Variants in SEL1L2 observed in about 807,000 individuals in gnomAD.
The protein encoded by SEL1L2 is SEL1L2 adaptor subunit of SYVN1 ubiquitin ligase, also known as protein sel-1 homolog 2.
SEL1L2 carries 89 observed loss-of-function variants against 98.8 expected under a neutral mutation model. The ratio of observed to expected loss-of-function variants is 0.90; its 90% CI spans 0.76 to 1.07. The LOEUF is 1.07. Ranked by LOEUF, SEL1L2 falls within the 50% of genes least tolerant of loss-of-function variation. The probability of loss-of-function intolerance (pLI) is 0.00; values close to 1 mark genes in which losing one functional copy is unlikely to be tolerated. For synonymous variants in SEL1L2, 262 were observed against 278.5 expected (o/e 0.94, Z 0.59); for missense variants, 788 against 812.0 (o/e 0.97, Z 0.36).
intron 5 of SEL1L2, among the ~76,000 whole-genome samples, chr20:13,896,315 C>G (rs1172740435): frequency 2.0e-5 from 3 of 151,932 alleles, no homozygotes; most frequent in Admixed American, 6.6e-5. Context: ...ATTAAAAATA[C>G]AAAAATTAGC....
intron 10 of SEL1L2, among the ~76,000 whole-genome samples, chr20:13,883,329 A>C (rs2046801935): frequency 6.6e-6 from 1 of 152,196 alleles, no homozygotes; most frequent in Non-Finnish European, 1.5e-5. Context: ...GGAAACTGAG[A>C]GATCATGTCA....
At chr20:13,860,060 A>T (rs1311653268) in intron 17 of SEL1L2, among the ~76,000 whole-genome samples, 1 of 152,160 alleles carries the variant, frequency 6.6e-6, no homozygotes, top group African/African-American at 2.4e-5. Context: ...TTTTAAGTAG[A>T]TTAACTCTTG....
chr20:13,969,524 C>A (rs2051191240), intron 1 of SEL1L2, among the ~76,000 whole-genome samples: 1 of 152,164 alleles, frequency 6.6e-6, no homozygotes, highest in Admixed American at 6.5e-5. Flanking sequence ...AGTAAAGTTT[C>A]TTTTAATTTC....
intron 2 of SEL1L2, among the ~76,000 whole-genome samples, chr20:13,937,088 TA>T (rs1170787533): frequency 1.3e-5 from 2 of 152,352 alleles, no homozygotes; most frequent in African/African-American, 4.8e-5. Context: ...TGTTTTTACT[TA>T]AATAGTTTTT....
In SEL1L2 at chr20:13,896,513, C is replaced by A. The variant is rs557864134; in HGVS notation, c.550-8001G>T. On this transcript the variant is annotated intron_variant, in intron 5 of 19. Coordinates refer to ENST00000284951, the MANE Select transcript of SEL1L2 (RefSeq NM_025229.2). ...AACAAATAAACAAACAACTCCCCCC[C>A]CCCCCACACACAAAAAACTAATAAA... 2.3e-3 allele frequency among the ~76,000 whole-genome samples: 341 copies of A among 149,320 alleles called. 3 individuals carry two copies. Among genetic ancestry groups the A allele is most frequent in the East Asian group, 6.4e-3 (32 of 5,004 alleles).
intron 3 of SEL1L2, among the ~76,000 whole-genome samples, chr20:13,922,990 A>G (rs1461302793): frequency 6.6e-6 from 1 of 152,186 alleles, no homozygotes; most frequent in Non-Finnish European, 1.5e-5. Context: ...CTCCCTTCCC[A>G]CAGGTAACAG....
chr20:13,865,341 C>T lies in SEL1L2; in HGVS notation c.1570+8G>A, dbSNP rs761811. The T allele has an allele frequency of 0.99, 1,592,456 of 1,613,748 alleles. 785,749 individuals carry two copies. Among genetic ancestry groups the T allele is most frequent in the East Asian group, 1 (44,857 of 44,858 alleles). On this transcript the variant is annotated splice_region_variant and intron_variant, in intron 16 of 19. Coordinates refer to ENST00000284951, the MANE Select transcript of SEL1L2 (RefSeq NM_025229.2). The stretch of plus-strand genomic sequence containing the variant: ...TGGGGGATTGCAGAGAATTTTAACT[C>T]ATCTTACTAGATTCCAAAATGAATG...
intron 1 of SEL1L2, among the ~76,000 whole-genome samples, chr20:13,981,120 T>C (rs1386151944): frequency 1.3e-5 from 2 of 152,192 alleles, no homozygotes; most frequent in East Asian, 3.9e-4. Flanking sequence ...TGTGCACCTA[T>C]AGTCCCAGCT....
At chr20:13,862,977 A>T (rs1568840202) in intron 17 of SEL1L2, among the ~76,000 whole-genome samples, 1 of 152,128 alleles carries the variant, frequency 6.6e-6, no homozygotes, top group Non-Finnish European at 1.5e-5. Context: ...GATTACAGGC[A>T]TGAACCACTG....
At position 13,877,568 on chromosome 20, in the gene SEL1L2, TAAG is replaced by T. The variant is rs762417122; in HGVS notation, c.975_977del (p.Phe325del). 1 of 1,613,024 alleles carries T rather than the reference TAAG, an allele frequency of 6.2e-7. No homozygotes were observed. The highest frequency in any genetic ancestry group is 2.2e-5 in the East Asian group (1 of 44,886). On this transcript the variant is annotated inframe_deletion, in exon 11 of 20. Transcript: ENST00000284951. ...TTGCACTCCCGGCCTTTGCTGCCTT[TAAG>T]AAGTAGTGTAATGCTTTCTGGAGAG...
intron 18 of SEL1L2, among the ~76,000 whole-genome samples, chr20:13,856,922 TTGA>T (rs1989255280): frequency 1.3e-5 from 2 of 152,224 alleles, no homozygotes; most frequent in South Asian, 4.1e-4. Context: ...GCTTAATTAC[TTGA>T]TGACTTAACT....
At chr20:13,967,519 G>A (rs1393011499) in intron 1 of SEL1L2, among the ~76,000 whole-genome samples, 1 of 152,126 alleles carries the variant, frequency 6.6e-6, no homozygotes. Context: ...CCTTCTGCCT[G>A]GTCCCAGCTC....
chr20:13,987,611 G>C (rs1276480475), intron 1 of SEL1L2, among the ~76,000 whole-genome samples: 1 of 152,070 alleles, frequency 6.6e-6, no homozygotes, highest in Non-Finnish European at 1.5e-5. Flanking sequence ...GCCTCCCAAA[G>C]TGCTGGGATT....
chr20:13,962,215 G>A (rs919103758), intron 1 of SEL1L2, among the ~76,000 whole-genome samples: 8 of 152,122 alleles, frequency 5.3e-5, no homozygotes, highest in Non-Finnish European at 8.8e-5. Flanking sequence ...TATTCACATC[G>A]CTTTGCAGTG....
chr20:13,977,217 T>G (rs550706462), intron 1 of SEL1L2, among the ~76,000 whole-genome samples: 1 of 152,102 alleles, frequency 6.6e-6, no homozygotes, highest in Non-Finnish European at 1.5e-5. Flanking sequence ...TAAACAAAGT[T>G]GTGGGGCTTG....
intron 1 of SEL1L2, among the ~76,000 whole-genome samples, chr20:13,964,884 GCTTTACAGT>G (rs1312909435): frequency 6.6e-6 from 1 of 152,000 alleles, no homozygotes; most frequent in Non-Finnish European, 1.5e-5. Context: ...TATTTGCTTA[GCTTTACAGT>G]CTTTCTTTTT....
At chr20:13,930,645 A>G (rs2423762) in intron 3 of SEL1L2, among the ~76,000 whole-genome samples, 32,877 of 152,052 alleles carry the variant, frequency 0.22, 4,059 homozygotes, top group African/African-American at 0.34. Context: ...AAATGTGAGG[A>G]AAAAAATACG....
At chr20:13,986,502 C>A (rs1252559190) in intron 1 of SEL1L2, among the ~76,000 whole-genome samples, 2 of 151,302 alleles carry the variant, frequency 1.3e-5, no homozygotes, top group Non-Finnish European at 2.9e-5. Context: ...TAATAGGCAA[C>A]CTTTTGTCTC....
chr20:13,949,652 G>T (rs1481429568), intron 2 of SEL1L2, among the ~76,000 whole-genome samples: 2 of 150,722 alleles, frequency 1.3e-5, no homozygotes, highest in African/African-American at 4.9e-5. Context: ...AACAGAGTGA[G>T]ACTCTGTCTC....
Sources: gnomAD v4.1 joint callset for allele counts (sites outside exome capture counted in the v4.1 genomes callset) on GRCh38, gnomAD v4.1.1 for gene constraint, MANE v1.5 for transcripts, NCBI Gene and HGNC (gene_info 2026-07-23, HGNC 2026-07-21) for gene names.